The following SETD1B variants were observed in gnomAD, a reference collection of about 807,000 sequenced individuals.
SETD1B encodes SET domain containing 1B, histone lysine methyltransferase.
In SETD1B, 7 loss-of-function variants were observed where a neutral mutation model predicts 148.0. The ratio of observed to expected loss-of-function variants is 0.05; its 90% CI spans 0.03 to 0.09. The LOEUF (loss-of-function observed/expected upper bound fraction) is 0.09. Among genes scored for constraint, SETD1B ranks in the 10% least tolerant of loss-of-function variants. SETD1B has a pLI of 1.00. For missense variants in SETD1B, 2,155 were observed against 2,729.9 expected (o/e 0.79, Z 4.69); for synonymous variants, 1,361 against 1,186.5 (o/e 1.15, Z -3.02).
Position 121,819,666 on chromosome 12 carries a change from G to A in SETD1B, c.3681G>A (p.Ser1227=), listed in dbSNP as rs777233930. Residue 1227 remains serine, a synonymous_variant, in exon 11 of 17, where the codon TCG becomes TCA. Transcript: ENST00000604567. ...CCCCGGGGGCACCTGCAGTGGACTC[G>A]TTGGGCATGGAAGAGGAGGTGGACA... ...ALAPGAPAVD[S]LGMEEEVDIE... is the part of the protein sequence containing the mutation. 4.5e-6 allele frequency: 7 copies of A among 1,551,382 alleles called. No homozygotes were observed. The highest frequency in any genetic ancestry group is 2.4e-5 in the South Asian group (2 of 84,052).
rs1004981783 is a variant in SETD1B, at chr12:121,809,682, A to G, written c.737A>G (p.Asn246Ser). The change falls in exon 6 of 17, where the codon AAT becomes AGT. Residue 246 changes from asparagine to serine, a missense_variant. Asn to Ser is a conservative substitution (Grantham distance 46). This residue lies in a region of SETD1B where 376 missense variants were observed against 385.0 expected (regional missense o/e 0.98). Coordinates refer to ENST00000604567, the MANE Select transcript of SETD1B (RefSeq NM_001353345.2). ...TCCGGCTCCTCCTCTGTCACCCCCA[A>G]TAGCGGTGGGACACCCTTCTCCCAG... is the stretch of plus-strand genomic sequence containing the variant. ...CGSGSSSVTP[N>S]SGGTPFSQDT... 1.2e-5 allele frequency: 19 copies of G among 1,551,462 alleles called. No individual in the cohort carries two copies. The highest frequency in any genetic ancestry group is 2.4e-5 in the East Asian group (1 of 40,938).
chr12:121,794,009 C>T, the SETD1B span: 1 of 182,150 alleles, frequency 5.5e-6, no homozygotes, highest in Admixed American at 6.3e-5. Context: ...CAGGGACCCT[C>T]TGATTGGCTG....
chr12:121,797,770 G>C, the SETD1B span: 2 of 357,412 alleles, frequency 5.6e-6, no homozygotes, highest in Middle Eastern at 8.6e-4. Context: ...TAACGTGAGA[G>C]CAACGGGGTT....
upstream of SETD1B, chr12:121,800,593 C>G (rs1431303731): frequency 6.6e-6 from 1 of 151,314 alleles, no homozygotes; most frequent in African/African-American, 2.4e-5. Context: ...CGGTCCGGGG[C>G]GAGGCCTCCT....
rs1031855182 is a variant in SETD1B, at chr12:121,816,897, G to A, written c.2716-136G>A. On this transcript the variant is annotated intron_variant, in intron 7 of 16. Transcript: ENST00000604567. The stretch of plus-strand genomic sequence containing the variant: ...CGTGGGTAACGGCATAGTGTGGCCA[G>A]GTGTGTAGGGAATGAGGATGCAGTT... 1.9e-4 allele frequency: 146 copies of A among 753,636 alleles called. 1 individual carries two copies. The highest frequency in any genetic ancestry group is 1.2e-4 in the Admixed American group (4 of 33,946). The allele number at this position is 753,636 out of a possible 1,614,324, so 46.7% of individuals were successfully genotyped here. A position where few individuals can be genotyped will look rare whatever the true frequency, so the allele number is the denominator to read the frequency against.
At position 121,810,411 on chromosome 12, in the gene SETD1B, C is replaced by G; in HGVS notation, c.1466C>G (p.Pro489Arg). 6.5e-7 allele frequency: 1 copy of G among 1,549,156 alleles called. No individual in the cohort carries two copies. The highest frequency in any genetic ancestry group is 2.4e-5 in the East Asian group (1 of 40,914). ...GGCACGCCCACGCTGGAGTCGTCCC[C>G]TGCAGGGCCAGAGAAACCCCACGAC... ...SPGTPTLESSPAGPEKPHDSL... is the reference protein window; with the variant it reads ...SPGTPTLESSRAGPEKPHDSL... The change falls in exon 6 of 17, where the codon CCT becomes CGT. Residue 489 changes from proline (P) to arginine (R), a missense_variant. This residue lies in a region of SETD1B where 376 missense variants were observed against 385.0 expected (regional missense o/e 0.98). Coordinates refer to ENST00000604567, the MANE Select transcript of SETD1B (RefSeq NM_001353345.2). The surrounding 1 kb of genome is among the most constrained non-coding windows in gnomAD (Gnocchi z 7.6).
Position 121,809,764 on chromosome 12 carries a change from C to G in SETD1B, c.819C>G (p.Thr273=). The G allele has an allele frequency of 1.3e-6, 2 of 1,551,550 alleles. No individual in the cohort carries two copies. Among genetic ancestry groups the G allele is most frequent in the East Asian group, 2.4e-5 (1 of 40,904 alleles). The stretch of plus-strand genomic sequence containing the variant: ...CACCCAACTCCTATGGACAGGGCAC[C>G]CCGCTCACACCGCGCCTGGGCACCC... ...LDTPNSYGQG[T]PLTPRLGTPF... The change falls in exon 6 of 17, where the codon ACC becomes ACG. Residue 273 remains threonine (T), a synonymous_variant. Transcript: ENST00000604567.
At chr12:121,793,529 C>G in the SETD1B span, 2 of 1,544,380 alleles carry the variant, frequency 1.3e-6, no homozygotes, top group Non-Finnish European at 1.7e-6. Context: ...ACACCATGAG[C>G]AGCGAGGTCT....
rs545339262 is a variant in SETD1B at position 121,829,958 on chromosome 12, C to T, written c.5728-108C>T. On this transcript the variant is annotated intron_variant, in intron 16 of 16. Transcript: ENST00000604567. ...GAGCAGAGCAGTGGGCTGGGGGTCA[C>T]GTGGCATGTCAGGCCTTAAGCACAG... is the stretch of plus-strand genomic sequence containing the variant. 25 of 1,008,376 alleles carry T rather than the reference C, an allele frequency of 2.5e-5. No individual in the cohort carries two copies. The African/African-American group carries it at 3.3e-4, about 13-fold the overall frequency. The allele number at this position is 1,008,376 out of a possible 1,614,324, so 62.5% of individuals were successfully genotyped here.
intron 5 of SETD1B, 114 bp from the exon 6 acceptor site, chr12:121,809,489 C>A: frequency 8.8e-7 from 1 of 1,131,168 alleles, no homozygotes; most frequent in Non-Finnish European, 1.2e-6. Flanking sequence ...CCTTATGCTG[C>A]AGTTCTAGAG....
Position 121,823,250 on chromosome 12 carries a change from G to A in SETD1B, c.4671G>A (p.Gln1557=). The A allele has an allele frequency of 1.3e-6, 2 of 1,549,902 alleles. No homozygotes were observed. Among genetic ancestry groups the A allele is most frequent in the Non-Finnish European group, 1.7e-6 (2 of 1,146,882 alleles). The change falls in exon 12 of 17, where the codon CAG becomes CAA. Residue 1557 remains glutamine (Q), a synonymous_variant. Transcript: ENST00000604567. ...RELLLLPGQP[Q]TPVFPSTHDP... ...TCCTGCTCCTGCCGGGCCAGCCACA[G>A]ACCCCCGTCTTCCCCAGCACCCATG...
In SETD1B at chr12:121,814,575, C is replaced by T. The variant is rs764972287; in HGVS notation, c.2360C>T (p.Thr787Met). The T allele has an allele frequency of 4.6e-6, 7 of 1,512,702 alleles. No homozygotes were observed. The highest frequency in any genetic ancestry group is 2.5e-5 in the East Asian group (1 of 40,318). 93.7% of individuals were successfully genotyped at this position (1,512,702 alleles called of 1,614,324 possible). A position where few individuals can be genotyped will look rare whatever the true frequency, so the allele number is the denominator to read the frequency against. Residue 787 changes from threonine to methionine, a missense_variant, in exon 7 of 17, where the codon ACG becomes ATG. Transcript: ENST00000604567. The part of the protein sequence containing the change: ...MQTQVLSRLM[T>M]GQGACPYPPF... ...ACGCAGGTGCTCAGCCGGCTGATGACGGGCCAGGGCGCCTGCCCCTACCCG... is the reference window on the plus strand; with the variant it reads ...ACGCAGGTGCTCAGCCGGCTGATGATGGGCCAGGGCGCCTGCCCCTACCCG...
Position 121,831,494 on chromosome 12 carries a change from A to G in SETD1B, c.*1255A>G, listed in dbSNP as rs1877091109. 6.6e-6 allele frequency: 1 copy of G among 152,014 alleles called. No individual in the cohort carries two copies. Among genetic ancestry groups the G allele is most frequent in the Non-Finnish European group, 1.5e-5 (1 of 67,990 alleles). 9.4% of individuals were successfully genotyped at this position (152,014 alleles called of 1,614,324 possible). A position where few individuals can be genotyped will look rare whatever the true frequency, so the allele number is the denominator to read the frequency against. On this transcript the variant is annotated 3_prime_UTR_variant, in exon 17 of 17. Transcript: ENST00000604567. ...GTGTATAAAATCAAAAGGAAGGGGA[A>G]AAAGGTTTTTGAAGTTCAGAACCAA...
chr12:121,806,977 C>T (rs1875775068), intron 4 of SETD1B, among the ~76,000 whole-genome samples: 1 of 152,160 alleles, frequency 6.6e-6, no homozygotes, highest in South Asian at 2.1e-4. Flanking sequence ...GGGGAGATGT[C>T]ATTCGGTCCC....
upstream of SETD1B, chr12:121,800,145 G>C (rs1875259062): frequency 6.6e-6 from 1 of 152,046 alleles, no homozygotes; most frequent in African/African-American, 2.4e-5. Flanking sequence ...CGGCTCATCT[G>C]CATTTCCAAA....
chr12:121,797,368 C>A, the SETD1B span: 1 of 440,590 alleles, frequency 2.3e-6, no homozygotes, highest in Non-Finnish European at 4.6e-6. Context: ...GGCCCCGCCC[C>A]GCGTTCGCTG....
At chr12:121,811,506 A>G (rs1301461113) in intron 6 of SETD1B, among the ~76,000 whole-genome samples, 2 of 152,152 alleles carry the variant, frequency 1.3e-5, no homozygotes, top group African/African-American at 4.8e-5. Flanking sequence ...TCCTCAGGTC[A>G]TGGGGTCTCG....
chr12:121,808,090 C>A lies in SETD1B; in HGVS notation c.545-118C>A. 1.4e-6 allele frequency: 1 copy of A among 729,138 alleles called. No homozygotes were observed. The highest frequency in any genetic ancestry group is 2.3e-6 in the Non-Finnish European group (1 of 429,436). The allele number at this position is 729,138 out of a possible 1,614,324, so 45.2% of individuals were successfully genotyped here. A position where few individuals can be genotyped will look rare whatever the true frequency, so the allele number is the denominator to read the frequency against. ...GGGAACTCAGGGCCACACAGCCTCC[C>A]TAGGACTGGGGTCTCGGGCACAAGG... On this transcript the variant is annotated intron_variant, in intron 4 of 16. Transcript: ENST00000604567. This position sits in a 1 kb window ranked among gnomAD's most constrained non-coding sequence, Gnocchi z 5.3.
chr12:121,819,311 G>T (rs1292563872), intron 10 of SETD1B, 93 bp from the exon 11 acceptor site: 3 of 1,523,154 alleles, frequency 2.0e-6, no homozygotes, highest in Admixed American at 2.4e-5. Flanking sequence ...TTCAGCCTGG[G>T]TGCCACCAGT....
Sources: gnomAD v4.1 joint callset for allele counts (sites outside exome capture counted in the v4.1 genomes callset) on GRCh38, gnomAD v4.1.1 for gene constraint, gnomAD v4.1.1 regional missense constraint, Gnocchi (gnomAD v3.1) non-coding constraint, MANE v1.5 for transcripts, NCBI Gene and HGNC (gene_info 2026-07-23, HGNC 2026-07-21) for gene names.